The following NTN1 variants were observed in gnomAD, a reference collection of about 807,000 sequenced individuals.
NTN1 encodes the protein netrin 1.
Under a neutral mutation model 54.2 loss-of-function variants are expected in NTN1, and 11 were observed. The observed-to-expected ratio is 0.20, with a 90% CI of 0.13 to 0.34. NTN1 has a LOEUF of 0.34. Ranked by LOEUF, NTN1 falls within the 10% of genes least tolerant of loss-of-function variation. NTN1 has a pLI of 1.00. For missense variants in NTN1, 740 were observed against 893.1 expected, an observed-to-expected ratio of 0.83 and a Z score of 2.18; for synonymous variants, 371 against 382.0, an observed-to-expected ratio of 0.97 and a Z score of 0.33.
chr17:9,210,448 A>C (rs796932161), intron 5 of NTN1, among the ~76,000 whole-genome samples: 6 of 75,024 alleles, frequency 8.0e-5, no homozygotes, highest in South Asian at 4.5e-4. Flanking sequence ...CCACACCCAC[A>C]CACACACACA....
chr17:9,053,603 G>A (rs997146085), intron 2 of NTN1, among the ~76,000 whole-genome samples: 3 of 152,196 alleles, frequency 2.0e-5, no homozygotes, highest in Non-Finnish European at 4.4e-5. Flanking sequence ...CAAGGATTCC[G>A]ACTGTTATCT....
intron 2 of NTN1, among the ~76,000 whole-genome samples, chr17:9,134,516 C>T (rs962296546): frequency 6.6e-6 from 1 of 152,218 alleles, no homozygotes; most frequent in Non-Finnish European, 1.5e-5. Flanking sequence ...GAACTACTCA[C>T]GTCAGGGCCT....
chr17:9,170,430 T>C (rs1437849817), intron 3 of NTN1, among the ~76,000 whole-genome samples: 1 of 152,150 alleles, frequency 6.6e-6, no homozygotes, highest in Admixed American at 6.5e-5. Context: ...TTTCGGTGAG[T>C]GGTGGCCCTC....
rs555957303 is a variant in NTN1, at chr17:9,052,936, T to G, written c.1018+29545T>G. Among the ~76,000 whole-genome samples, 8 of 152,352 alleles carry G rather than the reference T, an allele frequency of 5.3e-5. 1 individual carries two copies. The South Asian group carries it at 1.7e-3, about 32-fold the overall frequency. Reference sequence around the variant, plus strand: ...GCAGCTCTGGCCTCTCAATAGCTGCTTCTGAAATAGCATTGGTTTCAGGGA... The same window carrying G: ...GCAGCTCTGGCCTCTCAATAGCTGCGTCTGAAATAGCATTGGTTTCAGGGA... On this transcript the variant is annotated intron_variant, in intron 2 of 6. Transcript: ENST00000173229.
At chr17:9,162,791 C>G in intron 2 of NTN1, 22 bp from the exon 3 acceptor site, 5 of 1,591,088 alleles carry the variant, frequency 3.1e-6, no homozygotes, top group Non-Finnish European at 4.3e-6. Context: ...CGGCTGACAC[C>G]TCTCTCTGTC....
At chr17:9,100,206 A>G (rs977855461) in intron 2 of NTN1, among the ~76,000 whole-genome samples, 3 of 152,164 alleles carry the variant, frequency 2.0e-5, no homozygotes, top group African/African-American at 7.2e-5. Flanking sequence ...ATTTACATAT[A>G]TATGCATAAT....
rs969997998 is a variant in NTN1, at chr17:9,225,806, C to G, written c.1486+4564C>G. Among the ~76,000 whole-genome samples, 3 of 152,176 alleles carry G rather than the reference C, an allele frequency of 2.0e-5. No homozygotes were observed. In the East Asian group the frequency reaches 5.8e-4, roughly 29 times the overall value. ...ACCCGGCAGGGGGCCAATTAGGAAACACATTTCCTTCACCCAGGGCACTTG... is the reference window on the plus strand; with the variant it reads ...ACCCGGCAGGGGGCCAATTAGGAAAGACATTTCCTTCACCCAGGGCACTTG... On this transcript the variant is annotated intron_variant, in intron 6 of 6. Coordinates refer to ENST00000173229, the MANE Select transcript of NTN1 (RefSeq NM_004822.3).
chr17:9,145,305 C>G (rs1161305236), intron 2 of NTN1, among the ~76,000 whole-genome samples: 1 of 152,152 alleles, frequency 6.6e-6, no homozygotes, highest in African/African-American at 2.4e-5. Context: ...CCCAAGCCCC[C>G]TAATTTTAGG....
chr17:9,168,513 C>T (rs928941831), intron 3 of NTN1, among the ~76,000 whole-genome samples: 3 of 148,624 alleles, frequency 2.0e-5, no homozygotes, highest in African/African-American at 5.0e-5. Flanking sequence ...GCCTGGGCAA[C>T]GAGAGTGAAA....
At chr17:9,176,083 A>ACC (rs960544346) in intron 3 of NTN1, 2 of 151,656 alleles carry the variant, frequency 1.3e-5, no homozygotes, top group African/African-American at 4.9e-5. Context: ...CTCACCAGAC[A>ACC]CCCCCACCAC....
intron 6 of NTN1, among the ~76,000 whole-genome samples, chr17:9,235,855 A>C (rs1435489164): frequency 6.6e-6 from 1 of 151,566 alleles, no homozygotes; most frequent in Admixed American, 6.6e-5. Context: ...CTTGGGCTCA[A>C]GCAATTCTGC....
chr17:9,162,799 G>C lies in NTN1; in HGVS notation c.1019-14G>C, dbSNP rs770166923. 1.9e-6 allele frequency: 3 copies of C among 1,598,050 alleles called. No homozygotes were observed. Among genetic ancestry groups the C allele is most frequent in the East Asian group, 2.3e-5 (1 of 44,396 alleles). On this transcript the variant is annotated splice_polypyrimidine_tract_variant and intron_variant, in intron 2 of 6. Coordinates refer to ENST00000173229, the MANE Select transcript of NTN1 (RefSeq NM_004822.3). ...GCCCCTGCGGCTGACACCTCTCTCT[G>C]TCTCCCCCTGCAGCCTGTAACTGCA...
rs1039587028 is a variant in NTN1, at chr17:9,239,061, C to T, written c.1487-579C>T. Among the ~76,000 whole-genome samples the T allele has an allele frequency of 2.0e-5, 3 of 152,160 alleles. 1 individual carries two copies. Among genetic ancestry groups the T allele is most frequent in the Admixed American group, 1.3e-4 (2 of 15,284 alleles). The stretch of plus-strand genomic sequence containing the variant: ...GGCCACCTGGTAGGGATGGCTTAGG[C>T]GTGGGAAGCGGCAGTCCAAGGTTCC... On this transcript the variant is annotated intron_variant, in intron 6 of 6. Coordinates refer to ENST00000173229, the MANE Select transcript of NTN1 (RefSeq NM_004822.3). The surrounding 1 kb of genome is among the most constrained non-coding windows in gnomAD (Gnocchi z 5.2).
chr17:9,065,160 C>G (rs2092011088), intron 2 of NTN1, among the ~76,000 whole-genome samples: 1 of 152,198 alleles, frequency 6.6e-6, no homozygotes, highest in Non-Finnish European at 1.5e-5. Context: ...TGGTCTCGAA[C>G]TCCTGACCTC....
Position 9,022,634 on chromosome 17 carries a change from G to A in NTN1, c.261G>A (p.Arg87=), listed in dbSNP as rs1488524221. The A allele has an allele frequency of 2.6e-6, 4 of 1,556,324 alleles. No homozygotes were observed. Among genetic ancestry groups the A allele is most frequent in the Admixed American group, 3.9e-5 (2 of 51,822 alleles). ...YCVVSERGEE[R]LRSCHLCNAS... is the part of the protein sequence containing the mutation. ...TGGTGAGCGAGCGCGGCGAGGAGCG[G>A]CTGCGCTCGTGCCACCTCTGCAACG... is the stretch of plus-strand genomic sequence containing the variant. Residue 87 remains arginine, a synonymous_variant, in exon 2 of 7, where the codon CGG becomes CGA. Transcript: ENST00000173229.
intron 5 of NTN1, among the ~76,000 whole-genome samples, chr17:9,214,216 A>G (rs187179100): frequency 0.012 from 1,861 of 152,070 alleles, 37 homozygotes; most frequent in African/African-American, 0.043. Flanking sequence ...TTAATAACAA[A>G]TAATATCATT....
intron 5 of NTN1, among the ~76,000 whole-genome samples, chr17:9,185,591 G>C (rs2092430879): frequency 6.6e-6 from 1 of 151,796 alleles, no homozygotes. Flanking sequence ...GTGTCTGTGG[G>C]GGTCTGGGGC....
chr17:9,126,037 C>A (rs1227961382), intron 2 of NTN1, among the ~76,000 whole-genome samples: 1 of 152,246 alleles, frequency 6.6e-6, no homozygotes, highest in Non-Finnish European at 1.5e-5. Context: ...TCGTCCCCAG[C>A]CAGCCTGATT....
At chr17:9,045,264 G>A (rs954929727) in intron 2 of NTN1, among the ~76,000 whole-genome samples, 2 of 152,204 alleles carry the variant, frequency 1.3e-5, no homozygotes, top group Non-Finnish European at 2.9e-5. Context: ...TTTTGGCCTG[G>A]CAAAGGGGAT....
Sources: gnomAD v4.1 joint callset for allele counts (sites outside exome capture counted in the v4.1 genomes callset) on GRCh38, gnomAD v4.1.1 for gene constraint, Gnocchi (gnomAD v3.1) non-coding constraint, MANE v1.5 for transcripts, NCBI Gene and HGNC (gene_info 2026-07-23, HGNC 2026-07-21) for gene names.